The following EIF2AK2 variants were observed in gnomAD, a reference collection of about 807,000 sequenced individuals.
The protein encoded by EIF2AK2 is interferon-induced, double-stranded RNA-activated protein kinase.
A neutral mutation model predicts 70.5 loss-of-function variants in EIF2AK2; 40 were observed. The observed-to-expected ratio is 0.57, with a 90% CI of 0.44 to 0.74. The LOEUF is 0.74. Among genes scored for constraint, EIF2AK2 ranks in the 30% least tolerant of loss-of-function variants. EIF2AK2 has a pLI of 0.00. For missense variants in EIF2AK2, 555 were observed against 644.3 expected (o/e 0.86, Z 1.50); for synonymous variants, 198 against 220.9 (o/e 0.90, Z 0.92).
intron 5 of EIF2AK2, 79 bp from the exon 6 acceptor site, chr2:37,139,836 T>C: frequency 7.1e-7 from 1 of 1,400,998 alleles, no homozygotes; most frequent in African/African-American, 1.4e-5. Flanking sequence ...AAAAATAACA[T>C]ATTAACAGAG....
rs56051707 is a variant in EIF2AK2, at chr2:37,145,742, C to CTTTTTTTTT, written c.240+1102_240+1110dup. 2.3e-4 allele frequency among the ~76,000 whole-genome samples: 12 copies of CTTTTTTTTT among 51,224 alleles called. 3 individuals carry two copies. Among genetic ancestry groups the CTTTTTTTTT allele is most frequent in the African/African-American group, 8.9e-4 (11 of 12,388 alleles). The allele number at this position is 51,224 out of a possible 152,430, so 33.6% of individuals were successfully genotyped here. On this transcript the variant is annotated intron_variant, in intron 4 of 16. Transcript: ENST00000233057. ...CTTATATGGGTGTACTTTTGCTTGT[C>CTTTTTTTTT]TTTTTTTTTTTTTTTTTTTTTTTTT...
intron 13 of EIF2AK2, among the ~76,000 whole-genome samples, chr2:37,117,865 A>G (rs773833724): frequency 5.9e-5 from 9 of 152,232 alleles, no homozygotes; most frequent in Non-Finnish European, 1.0e-4. Context: ...GGTAAAGACC[A>G]TTCTCTGGCA....
chr2:37,126,492 T>C (rs554721271), intron 10 of EIF2AK2, 81 bp from the exon 11 acceptor site: 3 of 1,533,918 alleles, frequency 2.0e-6, no homozygotes, highest in Admixed American at 4.5e-5. Flanking sequence ...TTCCCTTTAA[T>C]GTCACTTGTG....
Position 37,121,642 on chromosome 2 carries a change from A to T in EIF2AK2, c.1067+864T>A, listed in dbSNP as rs1316075307. Among the ~76,000 whole-genome samples, 7 of 144,562 alleles carry T rather than the reference A, an allele frequency of 4.8e-5. No homozygotes were observed. In the East Asian group the frequency reaches 1.4e-3, roughly 28 times the overall value. 94.8% of individuals were successfully genotyped at this position (144,562 alleles called of 152,430 possible). On this transcript the variant is annotated intron_variant, in intron 12 of 16. Transcript: ENST00000233057. Reference sequence around the variant, plus strand: ...ATTTTTTTTTTTTTTTTTTTTGCTAACCACGTTTTATTTTTTTTCTGAATT... The same window carrying T: ...ATTTTTTTTTTTTTTTTTTTTGCTATCCACGTTTTATTTTTTTTCTGAATT...
chr2:37,132,771 A>G (rs1674992542), intron 10 of EIF2AK2, among the ~76,000 whole-genome samples: 1 of 152,204 alleles, frequency 6.6e-6, no homozygotes, highest in South Asian at 2.1e-4. Context: ...CCATTCCAAC[A>G]CTGGACTCCC....
Position 37,122,488 on chromosome 2 carries a change from G to C in EIF2AK2, c.1067+18C>G. ...TCCTTCCATCCTATTATGGCTATGA[G>C]AATTTATTTTTAGTTACCTTGAACT... On this transcript the variant is annotated intron_variant, in intron 12 of 16. Transcript: ENST00000233057. 1 of 1,611,748 alleles carries C rather than the reference G, an allele frequency of 6.2e-7. No individual in the cohort carries two copies. The highest frequency in any genetic ancestry group is 8.5e-7 in the Non-Finnish European group (1 of 1,179,352).
At chr2:37,120,171 A>T (rs372349308) in intron 12 of EIF2AK2, 32 bp from the exon 13 acceptor site, 5 of 1,266,184 alleles carry the variant, frequency 3.9e-6, no homozygotes, top group Non-Finnish European at 5.1e-6. Context: ...TGTTAAAAGT[A>T]ACAATAAATA....
chr2:37,102,555 C>A lies in EIF2AK2; in HGVS notation c.*4718G>T, dbSNP rs1008034377. 6.6e-6 allele frequency: 1 copy of A among 152,052 alleles called. No individual in the cohort carries two copies. The highest frequency in any genetic ancestry group is 1.5e-5 in the Non-Finnish European group (1 of 68,018). The allele number at this position is 152,052 out of a possible 1,614,324, so 9.4% of individuals were successfully genotyped here. A position where few individuals can be genotyped will look rare whatever the true frequency, so the allele number is the denominator to read the frequency against. On this transcript the variant is annotated 3_prime_UTR_variant, in exon 17 of 17. Transcript: ENST00000233057. ...GAGACCTGGAAAAGCTTGTATGTAGCCTTTTAAACATTTCTTCTCAGATAC... is the reference window on the plus strand; with the variant it reads ...GAGACCTGGAAAAGCTTGTATGTAGACTTTTAAACATTTCTTCTCAGATAC...
intron 11 of EIF2AK2, among the ~76,000 whole-genome samples, chr2:37,125,105 C>T (rs950715088): frequency 3.3e-5 from 5 of 152,056 alleles, no homozygotes; most frequent in African/African-American, 9.7e-5. Context: ...CTCCGCCTCC[C>T]GGGTTCAAGC....
chr2:37,101,276 T>G lies in EIF2AK2; in HGVS notation c.*5997A>C, dbSNP rs141785491. ...AATTTGATAAATATTTATCGCATCT[T>G]TCCCATTCAGATTTAGAGAAAGTTC... On this transcript the variant is annotated 3_prime_UTR_variant, in exon 17 of 17. Coordinates refer to ENST00000233057, the MANE Select transcript of EIF2AK2 (RefSeq NM_001135651.3). 170 of 152,336 alleles carry G rather than the reference T, an allele frequency of 1.1e-3. 1 individual carries two copies. Among genetic ancestry groups the G allele is most frequent in the African/African-American group, 3.9e-3 (161 of 41,566 alleles). The allele number at this position is 152,336 out of a possible 1,614,324, so 9.4% of individuals were successfully genotyped here. A position where few individuals can be genotyped will look rare whatever the true frequency, so the allele number is the denominator to read the frequency against.
chr2:37,108,290 C>T (rs1184548712), intron 15 of EIF2AK2, among the ~76,000 whole-genome samples: 3 of 152,132 alleles, frequency 2.0e-5, no homozygotes, highest in Non-Finnish European at 4.4e-5. Flanking sequence ...TTCCTTGTAA[C>T]TTATATACTC....
rs748321333 is a variant in EIF2AK2, at chr2:37,135,532, C to G, written c.737G>C (p.Arg246Thr). Residue 246 changes from arginine to threonine, a missense_variant, in exon 10 of 17, where the codon AGA becomes ACA. Arg to Thr is a moderately conservative substitution (Grantham distance 71, BLOSUM62 -1). This residue lies in a region of EIF2AK2 where 299 missense variants were observed against 375.4 expected (regional missense o/e 0.80). Coordinates refer to ENST00000233057, the MANE Select transcript of EIF2AK2 (RefSeq NM_001135651.3). ...QRKAKRSLAP[R>T]FDLPDMKETK... ...TTCTTTCATGTCAGGAAGGTCAAAT[C>G]TGGGTGCCAAAGATCTAAAAATTAA... 6.2e-7 allele frequency: 1 copy of G among 1,610,256 alleles called. No homozygotes were observed. Among genetic ancestry groups the G allele is most frequent in the Non-Finnish European group, 8.5e-7 (1 of 1,178,424 alleles).
At chr2:37,132,786 T>A (rs1674993304) in intron 10 of EIF2AK2, among the ~76,000 whole-genome samples, 1 of 152,176 alleles carries the variant, frequency 6.6e-6, no homozygotes, top group African/African-American at 2.4e-5. Flanking sequence ...ACTCCCTTCT[T>A]TTCCAACCCA....
In EIF2AK2 at chr2:37,103,050, C is replaced by T. The variant is rs919608634; in HGVS notation, c.*4223G>A. 6.6e-6 allele frequency: 1 copy of T among 151,726 alleles called. No homozygotes were observed. The highest frequency in any genetic ancestry group is 2.4e-5 in the African/African-American group (1 of 41,302). The allele number at this position is 151,726 out of a possible 1,614,324, so 9.4% of individuals were successfully genotyped here. On this transcript the variant is annotated 3_prime_UTR_variant, in exon 17 of 17. Transcript: ENST00000233057. ...GCATTTTAATTAGCAAATAAGGTCC[C>T]AGGCTCTTGCCCCTGTCCTCCTCTG...
At chr2:37,155,709 G>A (rs1022311205) in intron 1 of EIF2AK2, among the ~76,000 whole-genome samples, 8 of 152,152 alleles carry the variant, frequency 5.3e-5, no homozygotes, top group Admixed American at 1.3e-4. Flanking sequence ...AATTATTTTG[G>A]CTATGCCTCC....
chr2:37,155,008 G>A (rs752813596), intron 1 of EIF2AK2, among the ~76,000 whole-genome samples: 18 of 151,276 alleles, frequency 1.2e-4, no homozygotes, highest in Non-Finnish European at 1.8e-4. Context: ...CACTGGGCCC[G>A]GTCCTTAGAC....
chr2:37,119,849 C>T (rs1212818590), intron 13 of EIF2AK2, 110 bp downstream of exon 13: 9 of 588,994 alleles, frequency 1.5e-5, no homozygotes, highest in African/African-American at 2.0e-5. Flanking sequence ...GCCTCAGCCT[C>T]CCAAAGTGTT....
At chr2:37,148,762 T>C in intron 2 of EIF2AK2, 95 bp downstream of exon 2, 1 of 828,052 alleles carries the variant, frequency 1.2e-6, no homozygotes, top group Non-Finnish European at 2.1e-6. Context: ...GTGACCCATT[T>C]AACATACACA....
At chr2:37,143,496 GAT>G (rs2148707476) in intron 4 of EIF2AK2, among the ~76,000 whole-genome samples, 1 of 152,132 alleles carries the variant, frequency 6.6e-6, no homozygotes, top group South Asian at 2.1e-4. Flanking sequence ...ACCAATCATG[GAT>G]CAAAAATATT....
Sources: allele counts gnomAD v4.1 joint callset (sites outside exome capture counted in the v4.1 genomes callset), GRCh38; gene constraint gnomAD v4.1.1; regional missense constraint gnomAD v4.1.1; transcripts MANE v1.5; gene names NCBI Gene and HGNC (gene_info 2026-07-23, HGNC 2026-07-21).